Variants in CAMK2D observed in about 807,000 individuals in gnomAD.
CAMK2D encodes calcium/calmodulin-dependent protein kinase type II subunit delta.
CAMK2D carries 37 observed loss-of-function variants against 84.0 expected under a neutral mutation model. The observed-to-expected ratio is 0.44, with a 90% CI of 0.34 to 0.58. CAMK2D has a LOEUF of 0.58. Among genes scored for constraint, CAMK2D ranks in the 20% least tolerant of loss-of-function variants. The pLI is 0.02. For synonymous variants in CAMK2D, 202 were observed against 212.5 expected (o/e 0.95, Z 0.43); for missense variants, 448 against 652.5 (o/e 0.69, Z 3.41).
At chr4:113,693,081 C>T (rs1332228812) in intron 2 of CAMK2D, among the ~76,000 whole-genome samples, 2 of 152,132 alleles carry the variant, frequency 1.3e-5, no homozygotes, top group South Asian at 2.1e-4. Flanking sequence ...ACAGCAGGTA[C>T]TAGAAACTGG....
chr4:113,498,349 T>C (rs1288093250), intron 16 of CAMK2D, among the ~76,000 whole-genome samples: 2 of 152,168 alleles, frequency 1.3e-5, no homozygotes, highest in African/African-American at 2.4e-5. Context: ...AGGCAATCTT[T>C]CAAAGTGTCT....
chr4:113,465,032 C>A (rs1185752675), intron 17 of CAMK2D, among the ~76,000 whole-genome samples: 1 of 152,010 alleles, frequency 6.6e-6, no homozygotes, highest in East Asian at 1.9e-4. Context: ...TCTGTGAAAT[C>A]TTTTTTCTTT....
chr4:113,560,172 C>A (rs910534313), intron 4 of CAMK2D, among the ~76,000 whole-genome samples: 1 of 151,634 alleles, frequency 6.6e-6, no homozygotes, highest in East Asian at 1.9e-4. Flanking sequence ...TCTTGTTTTG[C>A]GGATACCAGG....
intron 2 of CAMK2D, among the ~76,000 whole-genome samples, chr4:113,694,761 A>C (rs1456106782): frequency 6.6e-6 from 1 of 152,204 alleles, no homozygotes; most frequent in Non-Finnish European, 1.5e-5. Context: ...TATAAGCCAC[A>C]CCATACAACC....
chr4:113,473,701 T>C (rs760312686), intron 16 of CAMK2D, among the ~76,000 whole-genome samples: 7 of 152,184 alleles, frequency 4.6e-5, no homozygotes, highest in African/African-American at 1.2e-4. Flanking sequence ...AGTTTCATAG[T>C]ACAAAATGAT....
chr4:113,503,127 C>A, intron 14 of CAMK2D, 150 bp from the exon 15 acceptor site: 1 of 743,290 alleles, frequency 1.3e-6, no homozygotes, highest in South Asian at 1.4e-5. Context: ...TTGCAGCTGA[C>A]AATATCTCTG....
intron 16 of CAMK2D, among the ~76,000 whole-genome samples, chr4:113,496,596 G>C (rs969979508): frequency 9.9e-5 from 15 of 151,878 alleles, no homozygotes; most frequent in Admixed American, 3.3e-4. Context: ...TTACAGGCGC[G>C]TACCACAGTG....
intron 6 of CAMK2D, among the ~76,000 whole-genome samples, chr4:113,546,331 C>G (rs1485740445): frequency 6.6e-6 from 1 of 152,192 alleles, no homozygotes; most frequent in Non-Finnish European, 1.5e-5. Context: ...CAAAGAAACA[C>G]ACTGCTTTTG....
At chr4:113,504,717 A>G (rs749047554) in intron 14 of CAMK2D, among the ~76,000 whole-genome samples, 1 of 152,076 alleles carries the variant, frequency 6.6e-6, no homozygotes, top group African/African-American at 2.4e-5. Flanking sequence ...GACCACAGCT[A>G]TCAGTACAAT....
rs368588687 is a variant in CAMK2D at position 113,513,292 on chromosome 4, C to T, written c.946+36G>A. 76 of 1,604,278 alleles carry T rather than the reference C, an allele frequency of 4.7e-5. No individual in the cohort carries two copies. The African/African-American group carries it at 8.2e-4, about 17-fold the overall frequency. On this transcript the variant is annotated intron_variant, in intron 12 of 20. Coordinates refer to ENST00000511664, the MANE Select transcript of CAMK2D (RefSeq NM_001321571.2). The stretch of plus-strand genomic sequence containing the variant: ...AAACAGAGACTACTTAAAAAGAAGA[C>T]CAAGGGATAAGAAGCAGAGTTCCCA...
intron 4 of CAMK2D, among the ~76,000 whole-genome samples, chr4:113,570,831 A>C (rs962302831): frequency 6.6e-6 from 1 of 152,166 alleles, no homozygotes; most frequent in Non-Finnish European, 1.5e-5. Context: ...CTGCTCAAAA[A>C]AGGAAACAAT....
chr4:113,477,952 T>C (rs116285385), intron 16 of CAMK2D, among the ~76,000 whole-genome samples: 2,983 of 152,292 alleles, frequency 0.02, 46 homozygotes, highest in Non-Finnish European at 0.028. Context: ...ATTTAATGTA[T>C]AGTAGATACA....
At chr4:113,485,324 G>A (rs2097755783) in intron 16 of CAMK2D, among the ~76,000 whole-genome samples, 1 of 152,148 alleles carries the variant, frequency 6.6e-6, no homozygotes, top group African/African-American at 2.4e-5. Flanking sequence ...TGTTGCCTCT[G>A]AATATCCAGC....
At chr4:113,594,833 T>C (rs1027742845) in intron 4 of CAMK2D, among the ~76,000 whole-genome samples, 2 of 152,114 alleles carry the variant, frequency 1.3e-5, no homozygotes, top group Non-Finnish European at 2.9e-5. Flanking sequence ...GTGTAATTTG[T>C]GTAATGGGAA....
chr4:113,603,778 T>C lies in CAMK2D; in HGVS notation c.275+5374A>G, dbSNP rs1276254337. Among the ~76,000 whole-genome samples the C allele has an allele frequency of 1.6e-3, 94 of 59,536 alleles. 1 individual carries two copies. In the South Asian group the frequency reaches 0.028, roughly 17 times the overall value. 39.1% of individuals were successfully genotyped at this position (59,536 alleles called of 152,430 possible). On this transcript the variant is annotated intron_variant, in intron 4 of 20. Transcript: ENST00000511664. The stretch of plus-strand genomic sequence containing the variant: ...TCTATATATTTCTTGCTATTTTATA[T>C]ATATATATATATATATATATATATT...
chr4:113,757,567 G>A (rs1188845030), intron 2 of CAMK2D, among the ~76,000 whole-genome samples: 19 of 151,806 alleles, frequency 1.3e-4, no homozygotes, highest in Admixed American at 1.2e-3. Context: ...AAGTCACAAG[G>A]AAAAAAAATT....
chr4:113,547,582 T>A, intron 6 of CAMK2D, 62 bp downstream of exon 6: 1 of 1,081,254 alleles, frequency 9.2e-7, no homozygotes, highest in Non-Finnish European at 1.3e-6. Context: ...ACAGGCATAA[T>A]TGCAGCTGAA....
intron 2 of CAMK2D, among the ~76,000 whole-genome samples, chr4:113,721,675 T>C (rs2099530840): frequency 6.6e-6 from 1 of 152,170 alleles, no homozygotes; most frequent in Non-Finnish European, 1.5e-5. Flanking sequence ...TTCTCTTATC[T>C]GAATAAAAGT....
intron 2 of CAMK2D, among the ~76,000 whole-genome samples, chr4:113,696,195 GAC>G (rs56784441): frequency 0.089 from 12,902 of 144,424 alleles, 645 homozygotes; most frequent in African/African-American, 0.15. Flanking sequence ...CAGACACACA[GAC>G]ACACACACAC....
Sources: allele counts gnomAD v4.1 joint callset (sites outside exome capture counted in the v4.1 genomes callset), GRCh38; gene constraint gnomAD v4.1.1; transcripts MANE v1.5; gene names NCBI Gene and HGNC (gene_info 2026-07-23, HGNC 2026-07-21).